The following CFAP97D2 variants were observed in gnomAD, a reference collection of about 807,000 sequenced individuals.
The protein encoded by CFAP97D2 is CFAP97 domain containing 2.
intron 2 of CFAP97D2, chr13:114,199,590 C>T (rs1351766496): frequency 2.3e-5 from 1 of 43,634 alleles, no homozygotes; most frequent in Non-Finnish European, 3.5e-5. Flanking sequence ...CGTCCCCGTG[C>T]TTACGGTCCC....
chr13:114,196,619 G>A (rs1256643103), intron 2 of CFAP97D2, 143 bp downstream of exon 2: 9 of 395,150 alleles, frequency 2.3e-5, no homozygotes, highest in South Asian at 1.4e-4. Context: ...AATTAGCCCC[G>A]TCTGTCCGTG....
chr13:114,185,646 G>A lies in CFAP97D2; in HGVS notation c.90+6226G>A, dbSNP rs906815934. Among the ~76,000 whole-genome samples, 1 of 152,240 alleles carries A rather than the reference G, an allele frequency of 6.6e-6. No homozygotes were observed. On this transcript the variant is annotated intron_variant, in intron 1 of 4. Transcript: ENST00000646158. This position sits in a 1 kb window ranked among gnomAD's most constrained non-coding sequence, Gnocchi z 5.2. ...ACTGCCTGGCTTCTCCCCACTGTTG[G>A]CACCAGCTCCGATCTTGGAGAAAAG...
intron 4 of CFAP97D2, among the ~76,000 whole-genome samples, chr13:114,213,486 C>T (rs1382300443): frequency 2.8e-5 from 4 of 145,408 alleles, no homozygotes; most frequent in East Asian, 2.2e-4. Context: ...TCCAGGACCA[C>T]AGACCCCACC....
intron 4 of CFAP97D2, among the ~76,000 whole-genome samples, chr13:114,221,762 G>A (rs202119370): frequency 2.0e-5 from 3 of 150,246 alleles, no homozygotes; most frequent in Non-Finnish European, 3.0e-5. Flanking sequence ...AAAATGAAAA[G>A]AAAAAAAAAG....
At chr13:114,218,299 C>T (rs1426839570) in intron 4 of CFAP97D2, among the ~76,000 whole-genome samples, 1 of 152,124 alleles carries the variant, frequency 6.6e-6, no homozygotes, top group African/African-American at 2.4e-5. Flanking sequence ...GAATAAAATA[C>T]CTAGGAATCC....
At chr13:114,181,477 C>T (rs2080832259) in intron 1 of CFAP97D2, among the ~76,000 whole-genome samples, 2 of 152,074 alleles carry the variant, frequency 1.3e-5, no homozygotes, top group Middle Eastern at 3.2e-3. Flanking sequence ...AAGATGGGCC[C>T]TGACGCTACA....
chr13:114,222,400 T>A lies in CFAP97D2; in HGVS notation c.481-98T>A, dbSNP rs1159777032. ...TGTATGTTTAATTCTAAGTAAAGACTTGTCAATGAGTTGAAATATTCCATT... is the reference window on the plus strand; with the variant it reads ...TGTATGTTTAATTCTAAGTAAAGACATGTCAATGAGTTGAAATATTCCATT... On this transcript the variant is annotated intron_variant, in intron 4 of 4. Transcript: ENST00000646158. This position sits in a 1 kb window ranked among gnomAD's most constrained non-coding sequence, Gnocchi z 4.4. 1 of 397,896 alleles carries A rather than the reference T, an allele frequency of 2.5e-6. No homozygotes were observed. Among genetic ancestry groups the A allele is most frequent in the African/African-American group, 2.1e-5 (1 of 48,636 alleles). 24.6% of individuals were successfully genotyped at this position (397,896 alleles called of 1,614,324 possible). A position where few individuals can be genotyped will look rare whatever the true frequency, so the allele number is the denominator to read the frequency against.
rs1390162141 is a variant in CFAP97D2 at position 114,207,330 on chromosome 13, G to A, written c.291-4582G>A. ...AGGGGAGGGGTCCCGTTCTTGTGAA[G>A]CTTGATATTACATTGTAATATAGAA... On this transcript the variant is annotated intron_variant, in intron 3 of 4. Transcript: ENST00000646158. This position sits in a 1 kb window ranked among gnomAD's most constrained non-coding sequence, Gnocchi z 4.9. Among the ~76,000 whole-genome samples, 1 of 152,168 alleles carries A rather than the reference G, an allele frequency of 6.6e-6. No homozygotes were observed. Among genetic ancestry groups the A allele is most frequent in the East Asian group, 1.9e-4 (1 of 5,206 alleles).
At chr13:114,210,857 C>T (rs1594521082) in intron 3 of CFAP97D2, among the ~76,000 whole-genome samples, 1 of 127,686 alleles carries the variant, frequency 7.8e-6, no homozygotes. Flanking sequence ...TTCATTGATA[C>T]ACACACACAC....
intron 1 of CFAP97D2, among the ~76,000 whole-genome samples, chr13:114,190,712 C>A (rs1362792382): frequency 1.3e-5 from 2 of 152,230 alleles, no homozygotes; most frequent in South Asian, 4.1e-4. Flanking sequence ...CCAATTTGAT[C>A]TATAGATTCA....
intron 4 of CFAP97D2, chr13:114,212,116 T>C: frequency 2.5e-6 from 1 of 398,626 alleles, no homozygotes; most frequent in Non-Finnish European, 4.4e-6. Flanking sequence ...CCGCACCTTC[T>C]TTTTCATCTA....
chr13:114,203,234 G>T lies in CFAP97D2; in HGVS notation c.290+2791G>T, dbSNP rs186437499. Among the ~76,000 whole-genome samples, 1 of 152,146 alleles carries T rather than the reference G, an allele frequency of 6.6e-6. No homozygotes were observed. The highest frequency in any genetic ancestry group is 1.5e-5 in the Non-Finnish European group (1 of 68,028). ...AGTTCAACAAGGTTGCAGAATACAA[G>T]ATCAATACACAAAAATCAATTGTGT... is the stretch of plus-strand genomic sequence containing the variant. On this transcript the variant is annotated intron_variant, in intron 3 of 4. Transcript: ENST00000646158. The surrounding 1 kb of genome is among the most constrained non-coding windows in gnomAD (Gnocchi z 4.3).
intron 2 of CFAP97D2, among the ~76,000 whole-genome samples, chr13:114,197,525 AGGGG>A (rs2080893226): frequency 6.6e-6 from 1 of 152,038 alleles, no homozygotes. Context: ...GGAGTTGTGG[AGGGG>A]GCTTAGAATT....
chr13:114,192,508 T>C (rs934551907), intron 1 of CFAP97D2, among the ~76,000 whole-genome samples: 1 of 152,196 alleles, frequency 6.6e-6, no homozygotes, highest in Admixed American at 6.5e-5. Context: ...TATCAGACAG[T>C]TATCTATAGT....
chr13:114,180,911 G>A (rs1051464652), intron 1 of CFAP97D2, among the ~76,000 whole-genome samples: 4 of 152,212 alleles, frequency 2.6e-5, no homozygotes, highest in Non-Finnish European at 5.9e-5. Flanking sequence ...GGTTGAAATT[G>A]TCGTCATGGG....
chr13:114,180,724 A>C (rs1218355886), intron 1 of CFAP97D2, among the ~76,000 whole-genome samples: 1 of 152,212 alleles, frequency 6.6e-6, no homozygotes, highest in Non-Finnish European at 1.5e-5. Flanking sequence ...AGGCAATAGC[A>C]CATATGAATC....
At chr13:114,191,828 G>A (rs2080870329) in intron 1 of CFAP97D2, among the ~76,000 whole-genome samples, 1 of 152,100 alleles carries the variant, frequency 6.6e-6, no homozygotes, top group Admixed American at 6.6e-5. Context: ...AAGTAAAAAA[G>A]ATGTCATTCA....
At chr13:114,200,148 G>C (rs1594517784) in intron 2 of CFAP97D2, among the ~76,000 whole-genome samples, 177 bp from the exon 3 acceptor site, 1 of 152,112 alleles carries the variant, frequency 6.6e-6, no homozygotes. Flanking sequence ...TACGGTCCCT[G>C]CTGAGGCGTG....
chr13:114,194,906 T>C (rs1393533355), intron 1 of CFAP97D2, among the ~76,000 whole-genome samples: 2 of 152,222 alleles, frequency 1.3e-5, no homozygotes, highest in Non-Finnish European at 2.9e-5. Context: ...GAAAGCTCTG[T>C]GTAGGCATCT....
Sources: allele counts gnomAD v4.1 joint callset (sites outside exome capture counted in the v4.1 genomes callset), GRCh38; gene constraint gnomAD v4.1.1; non-coding constraint Gnocchi (gnomAD v3.1); transcripts MANE v1.5; gene names NCBI Gene and HGNC (gene_info 2026-07-23, HGNC 2026-07-21).